Variants in CELSR1 observed in about 807,000 individuals in gnomAD.
The protein encoded by CELSR1 is cadherin EGF LAG seven-pass G-type receptor 1, also known as adhesion G protein-coupled receptor C1.
In CELSR1, 110 loss-of-function variants were observed where a neutral mutation model predicts 249.1. The ratio of observed to expected loss-of-function variants is 0.44; its 90% CI spans 0.38 to 0.52. CELSR1 has a LOEUF of 0.52. CELSR1 is among the 20% of genes least tolerant of loss of function. The pLI, the probability that CELSR1 is intolerant of heterozygous loss-of-function variation, is 0.00. For missense variants in CELSR1, 4,109 were observed against 4,296.4 expected, an observed-to-expected ratio of 0.96 and a Z score of 1.22; for synonymous variants, 2,113 against 1,900.0, an observed-to-expected ratio of 1.11 and a Z score of -2.92.
At chr22:46,532,936 C>CAG (rs372922424) in intron 1 of CELSR1, among the ~76,000 whole-genome samples, 71 of 152,302 alleles carry the variant, frequency 4.7e-4, no homozygotes, top group African/African-American at 1.6e-3. Context: ...CCTCCAGCCC[C>CAG]AGAGCAGGTG....
chr22:46,394,898 C>T (rs770389088), intron 13 of CELSR1, among the ~76,000 whole-genome samples: 17 of 152,194 alleles, frequency 1.1e-4, no homozygotes, highest in Admixed American at 5.2e-4. Flanking sequence ...GCCAGGCCTC[C>T]GAGGTGCTGG....
In CELSR1 at chr22:46,377,250, G is replaced by A. The variant is rs115025562; in HGVS notation, c.7395C>T (p.Val2465=). 2 of 1,613,916 alleles carry A rather than the reference G, an allele frequency of 1.2e-6. No homozygotes were observed. The highest frequency in any genetic ancestry group is 1.7e-6 in the Non-Finnish European group (2 of 1,180,002). The change falls in exon 24 of 35, where the codon GTC becomes GTT. Residue 2465 remains valine (V), a synonymous_variant. Transcript: ENST00000674500. ...MDISRRENGE[V]LPLKIVTYAA... is the part of the protein sequence containing the mutation. ...CATAGGTGACAATCTTCAGAGGCAG[G>A]ACCTCCCCGTTCTATGGGCAGGAGG...
intron 1 of CELSR1, among the ~76,000 whole-genome samples, chr22:46,494,658 C>A (rs1297062838): frequency 6.6e-6 from 1 of 152,042 alleles, no homozygotes; most frequent in African/African-American, 2.4e-5. Context: ...ACAGGCATGC[C>A]ACCACGCCTG....
intron 5 of CELSR1, among the ~76,000 whole-genome samples, chr22:46,414,776 C>A (rs2079380108): frequency 6.6e-6 from 1 of 152,210 alleles, no homozygotes; most frequent in Non-Finnish European, 1.5e-5. Flanking sequence ...GCACCACCAG[C>A]CCCAGGCGTG....
chr22:46,377,443 C>G, intron 23 of CELSR1, 182 bp from the exon 24 acceptor site: 1 of 660,010 alleles, frequency 1.5e-6, no homozygotes, highest in South Asian at 1.8e-5. Flanking sequence ...CCTGAGGCTC[C>G]TTCAATGCCC....
At chr22:46,420,030 C>T (rs1221026893) in intron 5 of CELSR1, among the ~76,000 whole-genome samples, 5 of 151,576 alleles carry the variant, frequency 3.3e-5, no homozygotes, top group African/African-American at 9.7e-5. Context: ...GTGCACTTAC[C>T]GACACTCACA....
chr22:46,416,297 C>A (rs142696025), intron 5 of CELSR1, among the ~76,000 whole-genome samples: 1 of 152,238 alleles, frequency 6.6e-6, no homozygotes, highest in African/African-American at 2.4e-5. Flanking sequence ...AAGGCCAGCA[C>A]GGTGGAGGCC....
chr22:46,463,696 C>T lies in CELSR1; in HGVS notation c.4183+11G>A, dbSNP rs376538172. The stretch of plus-strand genomic sequence containing the variant: ...CATGTACACAAAGCCAGGGTGAGCC[C>T]GGGCACCTACCAGTGAAGTCCTCGA... On this transcript the variant is annotated intron_variant, in intron 2 of 34. Transcript: ENST00000674500. The T allele has an allele frequency of 5.3e-6, 8 of 1,509,764 alleles. No homozygotes were observed. Among genetic ancestry groups the T allele is most frequent in the South Asian group, 2.7e-5 (2 of 73,772 alleles). The allele number at this position is 1,509,764 out of a possible 1,614,324, so 93.5% of individuals were successfully genotyped here.
At chr22:46,497,721 G>A (rs1385546683) in intron 1 of CELSR1, among the ~76,000 whole-genome samples, 1 of 152,074 alleles carries the variant, frequency 6.6e-6, no homozygotes, top group Non-Finnish European at 1.5e-5. Context: ...TCTTCTGGGG[G>A]TGGGGGACAC....
rs2080859699 is a variant in CELSR1 at position 46,536,611 on chromosome 22, A to G, written c.560T>C (p.Leu187Pro). Residue 187 changes from leucine (L) to proline (P), a missense_variant, in exon 1 of 35, where the codon CTG becomes CCG. Coordinates refer to ENST00000674500, the MANE Select transcript of CELSR1 (RefSeq NM_001378328.1). ...GSVRLRLLCA[L>P]RRAAGAVRVG... ...CCGGACGGCGCCAGCCGCGCGCCGC[A>G]GGGCGCACAGCAGACGCAGGCGGAC... 1.7e-6 allele frequency: 2 copies of G among 1,178,062 alleles called. No individual in the cohort carries two copies. Among genetic ancestry groups the G allele is most frequent in the Non-Finnish European group, 2.1e-6 (2 of 956,026 alleles). The allele number at this position is 1,178,062 out of a possible 1,614,324, so 73.0% of individuals were successfully genotyped here.
At position 46,391,216 on chromosome 22, in the gene CELSR1, C is replaced by T. The variant is rs1322237732; in HGVS notation, c.6220G>A (p.Ala2074Thr). The T allele has an allele frequency of 1.9e-6, 3 of 1,613,428 alleles. No homozygotes were observed. Among genetic ancestry groups the T allele is most frequent in the Admixed American group, 1.7e-5 (1 of 60,008 alleles). ...WWPQTKFGQP[A>T]AVPCPKGSVG... ...GATCCCTTAGGGCATGGCACCGCAG[C>T]CGGCTGCCCGAACTTGGTCTGTGGC... The change falls in exon 16 of 35, where the codon GCT becomes ACT. Residue 2074 changes from alanine to threonine, a missense_variant. Around this residue, in one of 7 missense-constraint regions of CELSR1, gnomAD observed 1,805 missense variants for 1,831.6 expected, o/e 0.99. Coordinates refer to ENST00000674500, the MANE Select transcript of CELSR1 (RefSeq NM_001378328.1). This position sits in a 1 kb window ranked among gnomAD's most constrained non-coding sequence, Gnocchi z 4.3.
At chr22:46,394,379 C>T in intron 13 of CELSR1, 117 bp from the exon 14 acceptor site, 1 of 1,231,178 alleles carries the variant, frequency 8.1e-7, no homozygotes, top group Non-Finnish European at 1.1e-6. Flanking sequence ...GGGTCCAGCT[C>T]TGGGAGCTTC....
chr22:46,448,471 C>G lies in CELSR1; in HGVS notation c.4184-9060G>C. On this transcript the variant is annotated intron_variant, in intron 2 of 34. Coordinates refer to ENST00000674500, the MANE Select transcript of CELSR1 (RefSeq NM_001378328.1). The surrounding 1 kb of genome is among the most constrained non-coding windows in gnomAD (Gnocchi z 5.7). ...GACCTGGGGGAGGGCTGGGAACGCG[C>G]TGGGAACGTGCCCCAGGAGGGGAAG... 1 of 364,628 alleles carries G rather than the reference C, an allele frequency of 2.7e-6. No individual in the cohort carries two copies. The highest frequency in any genetic ancestry group is 2.1e-5 in the South Asian group (1 of 46,702). 22.6% of individuals were successfully genotyped at this position (364,628 alleles called of 1,614,324 possible).
rs1043492877 is a variant in CELSR1 at position 46,429,204 on chromosome 22, C to T, written c.4611+4189G>A. Among the ~76,000 whole-genome samples, 1 of 152,120 alleles carries T rather than the reference C, an allele frequency of 6.6e-6. No individual in the cohort carries two copies. Among genetic ancestry groups the T allele is most frequent in the Non-Finnish European group, 1.5e-5 (1 of 68,032 alleles). Reference sequence around the variant, plus strand: ...CACACTTCCCAAACACCCAGGATGCCGAGGGCGATGGAGGAGCAGCAAACA... The same window carrying T: ...CACACTTCCCAAACACCCAGGATGCTGAGGGCGATGGAGGAGCAGCAAACA... On this transcript the variant is annotated intron_variant, in intron 5 of 34. Transcript: ENST00000674500. This position sits in a 1 kb window ranked among gnomAD's most constrained non-coding sequence, Gnocchi z 4.1.
intron 18 of CELSR1, among the ~76,000 whole-genome samples, chr22:46,387,915 G>A (rs1437826698): frequency 6.6e-6 from 1 of 152,190 alleles, no homozygotes; most frequent in Non-Finnish European, 1.5e-5. Flanking sequence ...GGGCTGCGCA[G>A]AGGTCCCACA....
intron 30 of CELSR1, 24 bp from the exon 31 acceptor site, chr22:46,365,713 C>T (rs1291092444): frequency 5.9e-6 from 9 of 1,534,898 alleles, no homozygotes; most frequent in Non-Finnish European, 7.1e-6. Flanking sequence ...GGAGGGTGGG[C>T]TCAGTATCAT....
At chr22:46,424,673 T>C (rs6008821) in intron 5 of CELSR1, among the ~76,000 whole-genome samples, 11,723 of 152,202 alleles carry the variant, frequency 0.077, 809 homozygotes, top group African/African-American at 0.18. Flanking sequence ...TATTCTGTCG[T>C]ATTAAGAATG....
In CELSR1 at chr22:46,380,994, G is replaced by T. The variant is rs2078972312; in HGVS notation, c.7089-39C>A. The T allele has an allele frequency of 6.3e-7, 1 of 1,598,510 alleles. No homozygotes were observed. Among genetic ancestry groups the T allele is most frequent in the Non-Finnish European group, 8.6e-7 (1 of 1,168,960 alleles). On this transcript the variant is annotated intron_variant, in intron 21 of 34. Transcript: ENST00000674500. This position sits in a 1 kb window ranked among gnomAD's most constrained non-coding sequence, Gnocchi z 5.1. ...GCCAGAGCATGGGGACAAACACGGT[G>T]AGGAAACATCTGCTTAAATCCCGCG...
chr22:46,470,001 A>AGGGAGGAG (rs1268852616), intron 1 of CELSR1, among the ~76,000 whole-genome samples: 1 of 11,996 alleles, frequency 8.3e-5, no homozygotes, highest in Non-Finnish European at 1.7e-4. Context: ...GGAGGGAGGG[A>AGGGAGGAG]GAGGCAAAGG....
Sources: allele counts gnomAD v4.1 joint callset (sites outside exome capture counted in the v4.1 genomes callset), GRCh38; gene constraint gnomAD v4.1.1; regional missense constraint gnomAD v4.1.1; non-coding constraint Gnocchi (gnomAD v3.1); transcripts MANE v1.5; gene names NCBI Gene and HGNC (gene_info 2026-07-23, HGNC 2026-07-21).